OR9Q1: variants seen among roughly 807,000 people sequenced by gnomAD.
OR9Q1 encodes olfactory receptor family 9 subfamily Q member 1, also known as olfactory receptor 9Q1.
For missense variants in OR9Q1, 374 were observed against 378.8 expected, an observed-to-expected ratio of 0.99 and a Z score of 0.11; for synonymous variants, 153 against 148.6, an observed-to-expected ratio of 1.03 and a Z score of -0.22.
chr11:58,161,362 A>G (rs1430517659), intron 2 of OR9Q1, among the ~76,000 whole-genome samples: 1 of 152,156 alleles, frequency 6.6e-6, no homozygotes, highest in Non-Finnish European at 1.5e-5. Flanking sequence ...CTTCAGTGAC[A>G]GAAAGAGACA....
At chr11:58,169,936 A>G (rs1041615792) in intron 2 of OR9Q1, among the ~76,000 whole-genome samples, 1 of 151,654 alleles carries the variant, frequency 6.6e-6, no homozygotes. Context: ...CTTTTAAGAG[A>G]CATACAGTCT....
intron 2 of OR9Q1, among the ~76,000 whole-genome samples, chr11:58,105,707 C>T (rs1853833369): frequency 6.6e-6 from 1 of 152,176 alleles, no homozygotes; most frequent in African/African-American, 2.4e-5. Context: ...TTAGATCCCT[C>T]ATAAAAGTGG....
chr11:58,152,520 C>T (rs1030379617), intron 2 of OR9Q1, among the ~76,000 whole-genome samples: 11 of 151,984 alleles, frequency 7.2e-5, no homozygotes, highest in African/African-American at 2.7e-4. Context: ...TCAGAATCAT[C>T]TCATTTGTTT....
At chr11:58,119,488 AAAG>A in intron 2 of OR9Q1, 1 of 1,255,660 alleles carries the variant, frequency 8.0e-7, no homozygotes, top group East Asian at 2.3e-5. Context: ...AATGAAATAA[AAAG>A]AATCTCAGAA....
intron 2 of OR9Q1, among the ~76,000 whole-genome samples, chr11:58,091,314 G>T (rs1467253586): frequency 2.0e-5 from 3 of 151,974 alleles, no homozygotes; most frequent in Non-Finnish European, 2.9e-5. Context: ...CACTAATTTG[G>T]CTGTGTTCCA....
chr11:58,156,207 C>G lies in OR9Q1; in HGVS notation c.-14-23224C>G, dbSNP rs141193277. Reference sequence around the variant, plus strand: ...GGATTACAGGTGTGAGCCACTGTGACCAGCCAGTGTTGCCTATCTTTTGTG... The same window carrying G: ...GGATTACAGGTGTGAGCCACTGTGAGCAGCCAGTGTTGCCTATCTTTTGTG... On this transcript the variant is annotated intron_variant, in intron 2 of 2. Coordinates refer to ENST00000335397, the MANE Select transcript of OR9Q1 (RefSeq NM_001005212.4). 2.0e-3 allele frequency among the ~76,000 whole-genome samples: 311 copies of G among 152,312 alleles called. 1 individual carries two copies. The highest frequency in any genetic ancestry group is 3.6e-3 in the Non-Finnish European group (247 of 68,024).
chr11:58,152,521 T>A (rs931893982), intron 2 of OR9Q1, among the ~76,000 whole-genome samples: 3 of 152,096 alleles, frequency 2.0e-5, no homozygotes, highest in African/African-American at 7.3e-5. Flanking sequence ...CAGAATCATC[T>A]CATTTGTTTG....
At chr11:58,130,513 T>A (rs1854131250) in intron 2 of OR9Q1, among the ~76,000 whole-genome samples, 1 of 152,160 alleles carries the variant, frequency 6.6e-6, no homozygotes, top group Admixed American at 6.5e-5. Flanking sequence ...TTTTCCTGGC[T>A]GGGTGTGGTG....
intron 2 of OR9Q1, among the ~76,000 whole-genome samples, chr11:58,123,241 A>G (rs1471688235): frequency 6.6e-6 from 1 of 152,088 alleles, no homozygotes; most frequent in East Asian, 1.9e-4. Context: ...GTCTCCCTCC[A>G]TTTTCCTATA....
At chr11:58,028,284 A>G (rs1404320935) in intron 1 of OR9Q1, among the ~76,000 whole-genome samples, 2 of 152,194 alleles carry the variant, frequency 1.3e-5, no homozygotes, top group East Asian at 3.9e-4. Context: ...TGCCCTCTGC[A>G]TTTGTTTGCT....
At chr11:58,177,301 T>C (rs1461196956) in intron 2 of OR9Q1, among the ~76,000 whole-genome samples, 1 of 152,220 alleles carries the variant, frequency 6.6e-6, no homozygotes, top group Non-Finnish European at 1.5e-5. Flanking sequence ...AGTAAAATCT[T>C]GCTATAAACT....
intron 2 of OR9Q1, chr11:58,119,056 A>G (rs1177099572): frequency 6.2e-7 from 1 of 1,614,030 alleles, no homozygotes; most frequent in Non-Finnish European, 8.5e-7. Flanking sequence ...GGTATAGAGC[A>G]GTGGGTTGCG....
At chr11:58,034,945 G>A (rs951475314) in intron 1 of OR9Q1, among the ~76,000 whole-genome samples, 8 of 151,058 alleles carry the variant, frequency 5.3e-5, no homozygotes, top group Non-Finnish European at 1.2e-4. Flanking sequence ...CTGCCACCTC[G>A]GCCTCCTGAG....
intron 2 of OR9Q1, among the ~76,000 whole-genome samples, chr11:58,065,223 A>G (rs1489127819): frequency 4.6e-5 from 7 of 152,220 alleles, no homozygotes; most frequent in African/African-American, 1.7e-4. Flanking sequence ...ACTCTGATGT[A>G]GAAGAGATAA....
intron 2 of OR9Q1, among the ~76,000 whole-genome samples, chr11:58,120,044 A>G (rs367864127): frequency 2.0e-5 from 3 of 152,200 alleles, no homozygotes; most frequent in East Asian, 3.8e-4. Context: ...CTATATAATT[A>G]TTCAATGGGC....
At chr11:58,059,304 A>G (rs1853357260) in intron 2 of OR9Q1, among the ~76,000 whole-genome samples, 2 of 152,214 alleles carry the variant, frequency 1.3e-5, no homozygotes, top group South Asian at 4.1e-4. Context: ...TAAAGGCTCA[A>G]GTGAATTAAA....
intron 2 of OR9Q1, among the ~76,000 whole-genome samples, chr11:58,167,920 C>G (rs1049167392): frequency 1.3e-5 from 2 of 152,126 alleles, no homozygotes; most frequent in Non-Finnish European, 2.9e-5. Context: ...AGCAAATATT[C>G]AAGGGTGGGG....
intron 2 of OR9Q1, chr11:58,118,850 T>G: frequency 6.2e-7 from 1 of 1,614,020 alleles, no homozygotes; most frequent in Non-Finnish European, 8.5e-7. Context: ...AAGAAGATGA[T>G]GACAATCTCG....
intron 2 of OR9Q1, among the ~76,000 whole-genome samples, chr11:58,081,447 G>T (rs1324191746): frequency 2.6e-5 from 4 of 152,154 alleles, no homozygotes; most frequent in Non-Finnish European, 5.9e-5. Context: ...GTGTAAAAGT[G>T]TTCCTATTTC....
Sources: allele counts gnomAD v4.1 joint callset (sites outside exome capture counted in the v4.1 genomes callset), GRCh38; gene constraint gnomAD v4.1.1; transcripts MANE v1.5; gene names NCBI Gene and HGNC (gene_info 2026-07-23, HGNC 2026-07-21).